ZC3H11A: variants seen among roughly 807,000 people sequenced by gnomAD.
ZC3H11A encodes zinc finger CCCH domain-containing protein 11A.
Under a neutral mutation model 90.8 loss-of-function variants are expected in ZC3H11A, and 22 were observed. The observed-to-expected ratio is 0.24, with a 90% CI of 0.17 to 0.35. The LOEUF is 0.35. Among genes scored for constraint, ZC3H11A ranks in the 10% least tolerant of loss-of-function variants. ZC3H11A has a pLI of 1.00. For missense variants in ZC3H11A, 701 were observed against 964.9 expected, an observed-to-expected ratio of 0.73 and a Z score of 3.62; for synonymous variants, 294 against 339.8, an observed-to-expected ratio of 0.87 and a Z score of 1.48.
chr1:203,817,232 C>A, intron 3 of ZC3H11A, 108 bp downstream of exon 3: 2 of 847,914 alleles, frequency 2.4e-6, no homozygotes, highest in Non-Finnish European at 3.4e-6. Context: ...TATTTTTTGC[C>A]CAACTTTATT....
intron 1 of ZC3H11A, chr1:203,799,042 C>CT: frequency 6.5e-7 from 1 of 1,536,140 alleles, no homozygotes; most frequent in South Asian, 1.2e-5. Context: ...TCTTTGGAAA[C>CT]TGCGTCTTTT....
At chr1:203,814,620 C>T (rs1042600024) in intron 2 of ZC3H11A, among the ~76,000 whole-genome samples, 2 of 152,122 alleles carry the variant, frequency 1.3e-5, no homozygotes, top group African/African-American at 4.8e-5. Context: ...GTACCTTTAA[C>T]GTTCATATGC....
chr1:203,841,902 C>T (rs1174264548), intron 12 of ZC3H11A, among the ~76,000 whole-genome samples: 6 of 148,398 alleles, frequency 4.0e-5, no homozygotes, highest in Admixed American at 1.3e-4. Context: ...CGGGCAGAGA[C>T]GCTCCTCACC....
At chr1:203,834,434 G>C (rs1426463125) in intron 10 of ZC3H11A, among the ~76,000 whole-genome samples, 1 of 151,456 alleles carries the variant, frequency 6.6e-6, no homozygotes, top group Non-Finnish European at 1.5e-5. Flanking sequence ...ACCATACCTG[G>C]CTAATTTTTG....
At chr1:203,845,450 CAGT>C (rs1687624759) in intron 12 of ZC3H11A, among the ~76,000 whole-genome samples, 1 of 152,186 alleles carries the variant, frequency 6.6e-6, no homozygotes, top group African/African-American at 2.4e-5. Context: ...TACCTAAATA[CAGT>C]CGTTGTTCTC....
chr1:203,803,392 T>C (rs746001517), intron 2 of ZC3H11A, among the ~76,000 whole-genome samples: 2 of 151,964 alleles, frequency 1.3e-5, no homozygotes, highest in Non-Finnish European at 2.9e-5. Context: ...AGTTTCACCA[T>C]CTTGGCCAGG....
chr1:203,826,909 A>G (rs566055379), intron 4 of ZC3H11A, among the ~76,000 whole-genome samples: 2 of 152,286 alleles, frequency 1.3e-5, no homozygotes, highest in African/African-American at 4.8e-5. Flanking sequence ...CTTGATCAGC[A>G]CCTAGTTCAA....
chr1:203,797,722 G>A (rs1669064524), intron 1 of ZC3H11A: 2 of 1,535,130 alleles, frequency 1.3e-6, no homozygotes, highest in South Asian at 2.4e-5. Flanking sequence ...AGAAAGAAGG[G>A]TTTGCGAATT....
intron 4 of ZC3H11A, among the ~76,000 whole-genome samples, chr1:203,819,432 G>T (rs1386776210): frequency 6.6e-6 from 1 of 151,318 alleles, no homozygotes; most frequent in East Asian, 2.0e-4. Context: ...ACGCAGGCCA[G>T]GCTGGGCTCG....
rs1689638896 is a variant in ZC3H11A, at chr1:203,853,316, A to G, written c.*917A>G. On this transcript the variant is annotated 3_prime_UTR_variant, in exon 18 of 18. Coordinates refer to ENST00000367210, the MANE Select transcript of ZC3H11A (RefSeq NM_001376342.1). ...GGTGGCCTTTAACCACCTGAGGGAA[A>G]AAATGAGCTTATTCAAGCTGCCAAT... 6.6e-6 allele frequency: 1 copy of G among 152,644 alleles called. No homozygotes were observed. Among genetic ancestry groups the G allele is most frequent in the Admixed American group, 6.5e-5 (1 of 15,284 alleles). The allele number at this position is 152,644 out of a possible 1,614,324, so 9.5% of individuals were successfully genotyped here.
intron 1 of ZC3H11A, chr1:203,798,855 AG>A: frequency 6.5e-7 from 1 of 1,536,138 alleles, no homozygotes; most frequent in Non-Finnish European, 8.7e-7. Flanking sequence ...CCCTGATTAT[AG>A]GTTGCCATCA....
In ZC3H11A at chr1:203,802,387, G is replaced by A. The variant is rs1259684451; in HGVS notation, c.-775G>A. ...AAGTCTTTTATAGTGCATTTTAAAA[G>A]GGGAAACTTATCCAAATGTTATATT... On this transcript the variant is annotated 5_prime_UTR_variant, in exon 2 of 18. Coordinates refer to ENST00000367210, the MANE Select transcript of ZC3H11A (RefSeq NM_001376342.1). The A allele has an allele frequency of 2.6e-5, 4 of 152,378 alleles. No individual in the cohort carries two copies. Among genetic ancestry groups the A allele is most frequent in the African/African-American group, 7.3e-5 (3 of 41,368 alleles). 9.4% of individuals were successfully genotyped at this position (152,378 alleles called of 1,614,324 possible).
chr1:203,799,718 C>T, intron 1 of ZC3H11A: 2 of 732,118 alleles, frequency 2.7e-6, no homozygotes, highest in Non-Finnish European at 4.9e-6. Flanking sequence ...ATTTTCAAGT[C>T]AGAGGTATTA....
chr1:203,825,765 G>A (rs1260858240), intron 4 of ZC3H11A, among the ~76,000 whole-genome samples: 1 of 151,906 alleles, frequency 6.6e-6, no homozygotes, highest in African/African-American at 2.4e-5. Context: ...AGAATTACAT[G>A]GAATACCTTT....
chr1:203,834,100 A>G lies in ZC3H11A; in HGVS notation c.874+247A>G, dbSNP rs1325264079. ...TTTTGGAAGGAACTAGATTTTAAAA[A>G]TGGTAAAGAACACCTCTATTTCTCT... On this transcript the variant is annotated intron_variant, in intron 10 of 17. Coordinates refer to ENST00000367210, the MANE Select transcript of ZC3H11A (RefSeq NM_001376342.1). The G allele has an allele frequency of 3.4e-6, 4 of 1,165,898 alleles. No homozygotes were observed. The East Asian group carries it at 1.6e-4, about 47-fold the overall frequency. 72.2% of individuals were successfully genotyped at this position (1,165,898 alleles called of 1,614,324 possible).
At chr1:203,812,973 T>A (rs1321559988) in intron 2 of ZC3H11A, among the ~76,000 whole-genome samples, 1 of 152,232 alleles carries the variant, frequency 6.6e-6, no homozygotes, top group East Asian at 1.9e-4. Flanking sequence ...CTGTATACCT[T>A]CTTTGGTGAG....
rs1347247181 is a variant in ZC3H11A, at chr1:203,795,722, G to A, written c.-1660G>A. On this transcript the variant is annotated 5_prime_UTR_variant, in exon 1 of 18. Coordinates refer to ENST00000367210, the MANE Select transcript of ZC3H11A (RefSeq NM_001376342.1). ...GAGGACGACGGACGGCAGCGGCCAA[G>A]CAAGAAGAAAGACGTGGCAGCAAGC... 1.3e-5 allele frequency: 2 copies of A among 152,236 alleles called. No individual in the cohort carries two copies. Among genetic ancestry groups the A allele is most frequent in the Non-Finnish European group, 1.5e-5 (1 of 68,042 alleles). 9.4% of individuals were successfully genotyped at this position (152,236 alleles called of 1,614,324 possible).
At chr1:203,840,637 T>TTTATTTTA (rs367706144) in intron 12 of ZC3H11A, among the ~76,000 whole-genome samples, 55 of 124,508 alleles carry the variant, frequency 4.4e-4, no homozygotes, top group Non-Finnish European at 8.0e-4. Context: ...TATTTATTTA[T>TTTATTTTA]TTTATTTATT....
At chr1:203,811,143 CAAAA>C (rs535589700) in intron 2 of ZC3H11A, among the ~76,000 whole-genome samples, 8 of 73,612 alleles carry the variant, frequency 1.1e-4, no homozygotes, top group Middle Eastern at 9.3e-3. Flanking sequence ...AACTCTGTCA[CAAAA>C]AAAAAAAAAA....
Sources: allele counts gnomAD v4.1 joint callset (sites outside exome capture counted in the v4.1 genomes callset), GRCh38; gene constraint gnomAD v4.1.1; transcripts MANE v1.5; gene names NCBI Gene and HGNC (gene_info 2026-07-23, HGNC 2026-07-21).